The following DLC1 variants were observed in gnomAD, a reference collection of about 807,000 sequenced individuals.
The protein encoded by DLC1 is rho GTPase-activating protein 7.
In DLC1, 54 loss-of-function variants were observed where a neutral mutation model predicts 140.3. The observed-to-expected ratio is 0.38, with a 90% CI of 0.31 to 0.48. The LOEUF (loss-of-function observed/expected upper bound fraction) is 0.48, where lower values mean the gene tolerates loss of function less well. Ranked by LOEUF, DLC1 falls within the 20% of genes least tolerant of loss-of-function variation. The probability of loss-of-function intolerance (pLI) is 0.96; values close to 1 mark genes in which losing one functional copy is unlikely to be tolerated. For missense variants in DLC1, 2,536 were observed against 1,907.0 expected, an observed-to-expected ratio of 1.33 and a Z score of -6.14; for synonymous variants, 986 against 728.1, an observed-to-expected ratio of 1.35 and a Z score of -5.70.
chr8:13,218,037 G>A (rs767194756), intron 5 of DLC1, among the ~76,000 whole-genome samples: 8 of 152,106 alleles, frequency 5.3e-5, no homozygotes, highest in East Asian at 1.9e-4. Flanking sequence ...CTCTCTACTT[G>A]TAGAAATAAG....
chr8:13,171,312 T>TA (rs1185825922), intron 5 of DLC1, among the ~76,000 whole-genome samples: 2 of 152,064 alleles, frequency 1.3e-5, no homozygotes, highest in Non-Finnish European at 2.9e-5. Flanking sequence ...CTCATATGAT[T>TA]AAAAAAAATT....
chr8:13,369,245 T>C (rs1835624511), intron 4 of DLC1, among the ~76,000 whole-genome samples: 1 of 151,658 alleles, frequency 6.6e-6, no homozygotes, highest in African/African-American at 2.4e-5. Context: ...TGTCATGCCA[T>C]AGAGTGGAGT....
chr8:13,499,063 G>A lies in DLC1; in HGVS notation c.1009C>T (p.Leu337Phe), dbSNP rs142262550. Reference protein sequence around the residue: ...TQEPTDNQVRLRKRKEIREDR... With the variant: ...TQEPTDNQVRFRKRKEIREDR... Reference sequence around the variant, plus strand: ...ATATGTCTTACCTTTCTCTTACGAAGTCTGACTTGGTTATCTGTGGGTTCC... The same window carrying A: ...ATATGTCTTACCTTTCTCTTACGAAATCTGACTTGGTTATCTGTGGGTTCC... Residue 337 changes from leucine to phenylalanine, a missense_variant, in exon 2 of 18, where the codon CTT becomes TTT. Leu to Phe is a conservative substitution (Grantham distance 22). Coordinates refer to ENST00000276297, the MANE Select transcript of DLC1 (RefSeq NM_182643.3). 2 of 1,610,972 alleles carry A rather than the reference G, an allele frequency of 1.2e-6. No individual in the cohort carries two copies. The highest frequency in any genetic ancestry group is 4.5e-5 in the East Asian group (2 of 44,858).
At chr8:13,550,265 C>T (rs1803800460) in intron 1 of DLC1, among the ~76,000 whole-genome samples, 1 of 152,046 alleles carries the variant, frequency 6.6e-6, no homozygotes, top group Non-Finnish European at 1.5e-5. Flanking sequence ...GTTTTTTTCT[C>T]TGCTCACACT....
chr8:13,579,115 T>G (rs1804950734), intron 1 of DLC1, among the ~76,000 whole-genome samples: 1 of 150,250 alleles, frequency 6.7e-6, no homozygotes, highest in South Asian at 2.1e-4. Flanking sequence ...CTCCTATCAC[T>G]CATTAAATGA....
At chr8:13,240,330 A>G (rs895783030) in intron 5 of DLC1, among the ~76,000 whole-genome samples, 1 of 152,268 alleles carries the variant, frequency 6.6e-6, no homozygotes, top group African/African-American at 2.4e-5. Flanking sequence ...AAACGTGACA[A>G]TAACTTTCAT....
At chr8:13,506,581 G>GTGTATATATA (rs1246764417) in intron 1 of DLC1, among the ~76,000 whole-genome samples, 2 of 131,142 alleles carry the variant, frequency 1.5e-5, no homozygotes, top group South Asian at 2.5e-4. Flanking sequence ...GTGTGTGTGT[G>GTGTATATATA]TATATATATA....
Position 13,596,570 on chromosome 8 carries a change from A to G in DLC1, c.-126+7967T>C, listed in dbSNP as rs564413187. Among the ~76,000 whole-genome samples the G allele has an allele frequency of 5.3e-5, 8 of 152,150 alleles. No individual in the cohort carries two copies. In the East Asian group the frequency reaches 1.5e-3, roughly 29 times the overall value. ...AGCAGAGTAACAATACTAGTTTTTTAAAGAGTGCTTGTGCTTTGAATGAGA... is the reference window on the plus strand; with the variant it reads ...AGCAGAGTAACAATACTAGTTTTTTGAAGAGTGCTTGTGCTTTGAATGAGA... On this transcript the variant is annotated intron_variant, in intron 1 of 1. Coordinates refer to the DLC1 transcript ENST00000631382.
intron 4 of DLC1, among the ~76,000 whole-genome samples, chr8:13,363,034 T>G (rs1835309320): frequency 6.9e-6 from 1 of 145,380 alleles, no homozygotes; most frequent in South Asian, 2.1e-4. Flanking sequence ...CCTTCTACTG[T>G]GTGCTAGATA....
At chr8:13,458,977 C>A (rs181661725) in intron 2 of DLC1, among the ~76,000 whole-genome samples, 1 of 152,314 alleles carries the variant, frequency 6.6e-6, no homozygotes, top group African/African-American at 2.4e-5. Context: ...TAAAGTCCAA[C>A]TCACTAACCA....
At chr8:13,395,301 T>G (rs1380660638) in intron 3 of DLC1, among the ~76,000 whole-genome samples, 1 of 152,076 alleles carries the variant, frequency 6.6e-6, no homozygotes, top group Non-Finnish European at 1.5e-5. Flanking sequence ...TTTTGTATTT[T>G]TAGTAGAGAC....
intron 2 of DLC1, among the ~76,000 whole-genome samples, chr8:13,432,686 A>G (rs892402062): frequency 6.6e-6 from 1 of 152,168 alleles, no homozygotes; most frequent in Non-Finnish European, 1.5e-5. Context: ...TGAGAAAAAG[A>G]CTCAAATGTT....
chr8:13,352,767 A>G (rs77771221), intron 4 of DLC1, among the ~76,000 whole-genome samples: 4,461 of 152,252 alleles, frequency 0.029, 216 homozygotes, highest in African/African-American at 0.1. Context: ...GAGAGGAAGA[A>G]TCGTTAAGCA....
At chr8:13,447,677 G>A (rs1178550762) in intron 2 of DLC1, among the ~76,000 whole-genome samples, 2 of 152,068 alleles carry the variant, frequency 1.3e-5, no homozygotes, top group Non-Finnish European at 2.9e-5. Context: ...TTACAAAGAG[G>A]GTAGGTGAAG....
intron 5 of DLC1, among the ~76,000 whole-genome samples, chr8:13,173,717 A>G (rs1167828910): frequency 1.3e-5 from 2 of 152,134 alleles, no homozygotes; most frequent in African/African-American, 4.8e-5. Flanking sequence ...AAAGCTATTT[A>G]GTTGCTTGAA....
intron 1 of DLC1, among the ~76,000 whole-genome samples, chr8:13,563,118 T>C (rs1157978182): frequency 6.6e-6 from 1 of 152,206 alleles, no homozygotes. Flanking sequence ...TTTTTACTTT[T>C]TCATTTATAA....
At chr8:13,476,470 G>C (rs4831234) in intron 2 of DLC1, among the ~76,000 whole-genome samples, 1 of 150,918 alleles carries the variant, frequency 6.6e-6, no homozygotes, top group South Asian at 2.1e-4. Context: ...ACAGTGCAGT[G>C]TTTTTTTTTT....
chr8:13,426,657 T>C (rs924615809), intron 2 of DLC1, among the ~76,000 whole-genome samples: 8 of 152,152 alleles, frequency 5.3e-5, no homozygotes, highest in Non-Finnish European at 1.0e-4. Context: ...TGAGACTTAG[T>C]AGGGGCAACA....
At chr8:13,161,810 T>C (rs1017562533) in intron 5 of DLC1, among the ~76,000 whole-genome samples, 9 of 152,204 alleles carry the variant, frequency 5.9e-5, no homozygotes, top group Middle Eastern at 3.2e-3. Context: ...ACCTGTGCAA[T>C]GCGAACTCAT....
Sources: gnomAD v4.1 joint callset for allele counts (sites outside exome capture counted in the v4.1 genomes callset) on GRCh38, gnomAD v4.1.1 for gene constraint, MANE v1.5 for transcripts, NCBI Gene and HGNC (gene_info 2026-07-23, HGNC 2026-07-21) for gene names.